Variants in CDH18 observed in about 807,000 individuals in gnomAD.
CDH18 encodes cadherin 18.
CDH18 carries 31 observed loss-of-function variants against 67.9 expected under a neutral mutation model. The ratio of observed to expected loss-of-function variants is 0.46; its 90% CI spans 0.34 to 0.62. CDH18 has a LOEUF of 0.62. Among genes scored for constraint, CDH18 ranks in the 20% least tolerant of loss-of-function variants. The probability of loss-of-function intolerance (pLI) is 0.01; values close to 1 mark genes in which losing one functional copy is unlikely to be tolerated. For missense variants in CDH18, 890 were observed against 975.5 expected (o/e 0.91, Z 1.17); for synonymous variants, 362 against 347.2 (o/e 1.04, Z -0.48).
chr5:19,625,640 A>G (rs1212187536), intron 5 of CDH18, among the ~76,000 whole-genome samples: 1 of 151,922 alleles, frequency 6.6e-6, no homozygotes, highest in African/African-American at 2.4e-5. Flanking sequence ...TGTTCAAATC[A>G]TCTTTCCTTT....
intron 2 of CDH18, among the ~76,000 whole-genome samples, chr5:20,023,190 T>G (rs1238347932): frequency 6.6e-6 from 1 of 152,202 alleles, no homozygotes; most frequent in Non-Finnish European, 1.5e-5. Context: ...TCAATTAATA[T>G]TCAAGTCATA....
chr5:20,359,600 A>C (rs1741925953), intron 1 of CDH18, among the ~76,000 whole-genome samples: 1 of 152,150 alleles, frequency 6.6e-6, no homozygotes, highest in African/African-American at 2.4e-5. Flanking sequence ...AATGGAGTTG[A>C]AGTGTTTTAA....
At chr5:19,951,483 A>G (rs913435213) in intron 2 of CDH18, among the ~76,000 whole-genome samples, 6 of 152,136 alleles carry the variant, frequency 3.9e-5, no homozygotes, top group South Asian at 2.1e-4. Flanking sequence ...CATTATCCAC[A>G]GGAGTTTAGA....
intron 1 of CDH18, among the ~76,000 whole-genome samples, chr5:20,534,392 AT>A (rs1434396214): frequency 6.6e-6 from 1 of 152,102 alleles, no homozygotes; most frequent in African/African-American, 2.4e-5. Context: ...ATTAAAAATA[AT>A]CAAATAATAT....
At chr5:20,256,634 A>G (rs938739449) in intron 1 of CDH18, among the ~76,000 whole-genome samples, 1 of 152,060 alleles carries the variant, frequency 6.6e-6, no homozygotes, top group Admixed American at 6.6e-5. Flanking sequence ...CAAATAGGCA[A>G]ATACATATTG....
chr5:19,767,709 T>C (rs1020945586), intron 3 of CDH18, among the ~76,000 whole-genome samples: 11 of 152,138 alleles, frequency 7.2e-5, no homozygotes, highest in Non-Finnish European at 1.5e-4. Flanking sequence ...TCATATTATA[T>C]ATAATTGTAT....
At chr5:20,344,835 A>C (rs1344659888) in intron 1 of CDH18, among the ~76,000 whole-genome samples, 6 of 152,134 alleles carry the variant, frequency 3.9e-5, no homozygotes, top group Admixed American at 3.9e-4. Flanking sequence ...TCTCAAAATA[A>C]AAATTATAAA....
At chr5:19,500,253 G>A (rs535309322) in intron 11 of CDH18, among the ~76,000 whole-genome samples, 1 of 152,176 alleles carries the variant, frequency 6.6e-6, no homozygotes, top group Non-Finnish European at 1.5e-5. Context: ...GCATATGCAT[G>A]TATGTATACA....
intron 1 of CDH18, among the ~76,000 whole-genome samples, chr5:20,501,225 T>TGTTTTTTTACATGTTTAGC (rs1754227601): frequency 6.6e-6 from 1 of 151,708 alleles, no homozygotes; most frequent in African/African-American, 2.4e-5. Context: ...GTAAAATTAT[T>TGTTTTTTTACATGTTTAGC]AAATGTAAAT....
intron 5 of CDH18, among the ~76,000 whole-genome samples, chr5:19,614,308 T>C (rs1051462952): frequency 2.6e-5 from 4 of 151,696 alleles, no homozygotes; most frequent in Admixed American, 1.3e-4. Context: ...ATTGTGAACA[T>C]ATAATTGAGG....
At chr5:20,062,140 AATTATTATTATT>A (rs113839953) in intron 2 of CDH18, among the ~76,000 whole-genome samples, 1 of 137,930 alleles carries the variant, frequency 7.3e-6, no homozygotes, top group Non-Finnish European at 1.5e-5. Flanking sequence ...TTAAGCCCAG[AATTATTATTATT>A]ATTATTATTA....
chr5:19,971,700 A>G (rs932290007), intron 2 of CDH18, among the ~76,000 whole-genome samples: 5 of 151,996 alleles, frequency 3.3e-5, no homozygotes, highest in Admixed American at 6.6e-5. Flanking sequence ...CCGAAGGTGG[A>G]GGGTGGAAGG....
intron 1 of CDH18, among the ~76,000 whole-genome samples, chr5:20,329,758 G>A (rs1445032793): frequency 2.0e-4 from 14 of 71,164 alleles, no homozygotes; most frequent in Admixed American, 5.2e-4. Flanking sequence ...CAACAAGAGC[G>A]AAACTCCATC....
At chr5:19,704,871 G>C (rs1580970426) in intron 5 of CDH18, among the ~76,000 whole-genome samples, 2 of 152,262 alleles carry the variant, frequency 1.3e-5, no homozygotes. Flanking sequence ...ATCTATAGGG[G>C]CATTACAGCC....
chr5:19,609,109 A>G (rs532110809), intron 6 of CDH18, among the ~76,000 whole-genome samples: 1 of 152,008 alleles, frequency 6.6e-6, no homozygotes, highest in Non-Finnish European at 1.5e-5. Context: ...AAACTAGAAT[A>G]GGAAATGGCA....
chr5:19,884,599 T>C (rs1011801283), intron 2 of CDH18, among the ~76,000 whole-genome samples: 1 of 151,842 alleles, frequency 6.6e-6, no homozygotes, highest in African/African-American at 2.4e-5. Flanking sequence ...AAAAGAAATA[T>C]GGGAAATAAA....
At chr5:19,523,360 T>C (rs1747232966) in intron 9 of CDH18, among the ~76,000 whole-genome samples, 1 of 152,134 alleles carries the variant, frequency 6.6e-6, no homozygotes, top group African/African-American at 2.4e-5. Flanking sequence ...ACATGATTTC[T>C]TACTCATTTT....
intron 1 of CDH18, among the ~76,000 whole-genome samples, chr5:20,477,502 T>C (rs1466365982): frequency 6.6e-6 from 1 of 152,176 alleles, no homozygotes; most frequent in South Asian, 2.1e-4. Context: ...TGTGAGGCTT[T>C]GCATTGTAAC....
At chr5:19,761,987 G>A (rs1279958326) in intron 3 of CDH18, among the ~76,000 whole-genome samples, 1 of 152,120 alleles carries the variant, frequency 6.6e-6, no homozygotes, top group South Asian at 2.1e-4. Flanking sequence ...AACAAGCAAT[G>A]GGGAAAGGAT....
Sources: gnomAD v4.1 joint callset for allele counts (sites outside exome capture counted in the v4.1 genomes callset) on GRCh38, gnomAD v4.1.1 for gene constraint, MANE v1.5 for transcripts, NCBI Gene and HGNC (gene_info 2026-07-23, HGNC 2026-07-21) for gene names.